Variants in PRR16 observed in about 807,000 individuals in gnomAD.
PRR16 encodes protein Largen.
Under a neutral mutation model 18.2 loss-of-function variants are expected in PRR16, and 6 were observed. That is an observed-to-expected ratio of 0.33 (90% CI 0.18 to 0.65). The LOEUF is 0.65. Ranked by LOEUF, PRR16 falls within the 30% of genes least tolerant of loss-of-function variation. The probability of loss-of-function intolerance (pLI) is 0.74; values close to 1 mark genes in which losing one functional copy is unlikely to be tolerated. For synonymous variants in PRR16, 151 were observed against 147.8 expected (o/e 1.02, Z -0.16); for missense variants, 412 against 376.6 (o/e 1.09, Z -0.78).
chr5:120,786,613 TATATAA>T, the PRR16 span, among the ~76,000 whole-genome samples: 131 of 149,960 alleles, frequency 8.7e-4, 1 homozygote, highest in Middle Eastern at 7.1e-3. Flanking sequence ...GTAATTAAAA[TATATAA>T]ATATAGATTA....
chr5:120,669,931 C>A (rs374336571), intron 1 of PRR16, among the ~76,000 whole-genome samples: 1 of 151,752 alleles, frequency 6.6e-6, no homozygotes, highest in Non-Finnish European at 1.5e-5. Context: ...AGATAAACAA[C>A]GGCGTTTATA....
At chr5:120,547,095 G>A (rs1287579801) in intron 1 of PRR16, among the ~76,000 whole-genome samples, 1 of 152,008 alleles carries the variant, frequency 6.6e-6, no homozygotes, top group African/African-American at 2.4e-5. Context: ...CTGGAGGGAA[G>A]TGGGAGTGTC....
chr5:120,573,417 C>T (rs1291676098), intron 1 of PRR16, among the ~76,000 whole-genome samples: 1 of 152,220 alleles, frequency 6.6e-6, no homozygotes, highest in East Asian at 1.9e-4. Context: ...CTCAACTGGC[C>T]ATAGTTCACA....
At chr5:120,668,354 A>T (rs1004751032) in intron 1 of PRR16, among the ~76,000 whole-genome samples, 1 of 150,092 alleles carries the variant, frequency 6.7e-6, no homozygotes, top group African/African-American at 2.5e-5. Flanking sequence ...GTGTCTCTGC[A>T]TGTGAGATGG....
chr5:120,529,192 A>G (rs1751465641), intron 1 of PRR16, among the ~76,000 whole-genome samples: 1 of 152,158 alleles, frequency 6.6e-6, no homozygotes, highest in Non-Finnish European at 1.5e-5. Flanking sequence ...AACCCACTAA[A>G]TACCAGGTGA....
chr5:120,690,756 CAGT>C (rs1201491146), downstream of PRR16, among the ~76,000 whole-genome samples: 1 of 152,056 alleles, frequency 6.6e-6, no homozygotes, highest in East Asian at 1.9e-4. Flanking sequence ...TTCGGGCACA[CAGT>C]AGTGTTGAAC....
chr5:120,784,988 C>T, the PRR16 span, among the ~76,000 whole-genome samples: 337 of 152,274 alleles, frequency 2.2e-3, 1 homozygote, highest in African/African-American at 7.9e-3. Context: ...TGACCACCCG[C>T]TGCTATTAGA....
At chr5:120,530,273 ATATATATATATT>A (rs1169645880) in intron 1 of PRR16, among the ~76,000 whole-genome samples, 11 of 124,782 alleles carry the variant, frequency 8.8e-5, no homozygotes, top group Admixed American at 1.6e-4. Context: ...ATATATATAT[ATATATATATATT>A]TATTTATTTA....
intron 1 of PRR16, among the ~76,000 whole-genome samples, chr5:120,560,386 T>C (rs1457331219): frequency 6.6e-6 from 1 of 152,032 alleles, no homozygotes; most frequent in Non-Finnish European, 1.5e-5. Flanking sequence ...TCAGCATCAA[T>C]TGAAATGATC....
At chr5:120,557,090 A>T (rs762352434) in intron 1 of PRR16, among the ~76,000 whole-genome samples, 3 of 151,954 alleles carry the variant, frequency 2.0e-5, no homozygotes, top group Non-Finnish European at 4.4e-5. Context: ...ATGACACACA[A>T]CAATAAAATT....
At chr5:120,547,140 T>G (rs895096947) in intron 1 of PRR16, among the ~76,000 whole-genome samples, 2 of 151,848 alleles carry the variant, frequency 1.3e-5, no homozygotes, top group Admixed American at 6.6e-5. Flanking sequence ...AACTAGAGAT[T>G]CCTTTTGTCA....
chr5:120,756,590 T>G, the PRR16 span, among the ~76,000 whole-genome samples: 1 of 152,132 alleles, frequency 6.6e-6, no homozygotes, highest in African/African-American at 2.4e-5. Context: ...TGCCTGTATG[T>G]CTTTTGAGAA....
the PRR16 span, among the ~76,000 whole-genome samples, chr5:120,702,264 AAGGGGTCGGGGCATGGAAAT>A: frequency 2.0e-5 from 1 of 50,284 alleles, no homozygotes; most frequent in Non-Finnish European, 4.9e-5. Flanking sequence ...GCACGGAAAT[AAGGGGTCGGGGCATGGAAAT>A]AAGGGATTGG....
chr5:120,664,564 G>C (rs1012323828), intron 1 of PRR16, among the ~76,000 whole-genome samples: 1 of 151,476 alleles, frequency 6.6e-6, no homozygotes, highest in Non-Finnish European at 1.5e-5. Flanking sequence ...CCATTACCTC[G>C]TCATTTAGCA....
Position 120,668,826 on chromosome 5 carries a change from T to G in PRR16, c.160-17128T>G, listed in dbSNP as rs956742867. ...GTAGAGTTTCTGCCGAGAGATCAGC[T>G]GTTAGTCTGATGGGCTTCCCTTTGT... On this transcript the variant is annotated intron_variant, in intron 1 of 1. Coordinates refer to ENST00000407149, the MANE Select transcript of PRR16 (RefSeq NM_001300783.2). Among the ~76,000 whole-genome samples, 3 of 152,302 alleles carry G rather than the reference T, an allele frequency of 2.0e-5. No individual in the cohort carries two copies. The East Asian group carries it at 5.8e-4, about 29-fold the overall frequency.
intron 1 of PRR16, among the ~76,000 whole-genome samples, chr5:120,519,462 A>G (rs1751102792): frequency 6.6e-6 from 1 of 152,030 alleles, no homozygotes; most frequent in African/African-American, 2.4e-5. Context: ...GAAATAAACC[A>G]TTTTTCTCTA....
intron 1 of PRR16, chr5:120,618,455 G>A: frequency 1.0e-6 from 1 of 967,072 alleles, no homozygotes; most frequent in Non-Finnish European, 1.2e-6. Flanking sequence ...GTTAGGTGCT[G>A]TGTCATGAAT....
At chr5:120,695,556 C>G in the PRR16 span, among the ~76,000 whole-genome samples, 2 of 152,148 alleles carry the variant, frequency 1.3e-5, no homozygotes, top group African/African-American at 4.8e-5. Flanking sequence ...GACCTCTTGC[C>G]TTAGTTTCTA....
the PRR16 span, among the ~76,000 whole-genome samples, chr5:120,737,307 G>GT: frequency 2.0e-4 from 10 of 51,098 alleles, no homozygotes; most frequent in African/African-American, 4.7e-4. Context: ...AGTTTGTTGA[G>GT]TTTTTTTTTT....
Sources: gnomAD v4.1 joint callset for allele counts (sites outside exome capture counted in the v4.1 genomes callset) on GRCh38, gnomAD v4.1.1 for gene constraint, MANE v1.5 for transcripts, NCBI Gene and HGNC (gene_info 2026-07-23, HGNC 2026-07-21) for gene names.